SMC1B: variants seen among roughly 807,000 people sequenced by gnomAD.
SMC1B encodes the protein structural maintenance of chromosomes 1B, also known as structural maintenance of chromosomes protein 1B.
In SMC1B, 60 loss-of-function variants were observed where a neutral mutation model predicts 157.9. The ratio of observed to expected loss-of-function variants is 0.38; its 90% CI spans 0.31 to 0.47. The LOEUF (loss-of-function observed/expected upper bound fraction) is 0.47, where lower values mean the gene tolerates loss of function less well. Ranked by LOEUF, SMC1B falls within the 20% of genes least tolerant of loss-of-function variation. SMC1B has a pLI of 0.99. For missense variants in SMC1B, 1,165 were observed against 1,426.2 expected, an observed-to-expected ratio of 0.82 and a Z score of 2.95; for synonymous variants, 445 against 483.0, an observed-to-expected ratio of 0.92 and a Z score of 1.03.
At chr22:45,353,756 AG>A (rs1175977697) in intron 21 of SMC1B, among the ~76,000 whole-genome samples, 1 of 152,022 alleles carries the variant, frequency 6.6e-6, no homozygotes, top group African/African-American at 2.4e-5. Flanking sequence ...AGACCCAGAG[AG>A]GTTTTGACTT....
Position 45,406,751 on chromosome 22 carries a change from A to G in SMC1B, c.411+2T>C. The G allele has an allele frequency of 6.3e-7, 1 of 1,588,138 alleles. No individual in the cohort carries two copies. The highest frequency in any genetic ancestry group is 1.2e-5 in the South Asian group (1 of 85,754). On this transcript the variant is annotated splice_donor_variant, in intron 3 of 24. Transcript: ENST00000357450. LOFTEE classifies it high-confidence loss of function. Reference sequence around the variant, plus strand: ...ATCAAATAAACTACTATAGCTACTTACCTGAAAAACCAAACAATTTTGTGC... The same window carrying G: ...ATCAAATAAACTACTATAGCTACTTGCCTGAAAAACCAAACAATTTTGTGC...
At position 45,348,350 on chromosome 22, in the gene SMC1B, G is replaced by A. The variant is rs538006105; in HGVS notation, c.3495+1378C>T. Among the ~76,000 whole-genome samples the A allele has an allele frequency of 6.6e-5, 10 of 151,536 alleles. No homozygotes were observed. The East Asian group carries it at 1.9e-3, about 29-fold the overall frequency. On this transcript the variant is annotated intron_variant, in intron 23 of 24. Coordinates refer to ENST00000357450, the MANE Select transcript of SMC1B (RefSeq NM_148674.5). ...GTAGATCTCTTGAGCCCAAGAGTTTGAGACCAGCCTTGGTAACATGGTGAA... is the reference window on the plus strand; with the variant it reads ...GTAGATCTCTTGAGCCCAAGAGTTTAAGACCAGCCTTGGTAACATGGTGAA...
intron 12 of SMC1B, among the ~76,000 whole-genome samples, chr22:45,375,808 ACT>A (rs2086878556): frequency 6.6e-6 from 1 of 152,294 alleles, no homozygotes; most frequent in Non-Finnish European, 1.5e-5. Context: ...GTATTATTTT[ACT>A]ACAGTGTTCA....
rs1016324022 is a variant in SMC1B, at chr22:45,377,212, T to C, written c.2059-4920A>G. Among the ~76,000 whole-genome samples, 11 of 152,364 alleles carry C rather than the reference T, an allele frequency of 7.2e-5. No homozygotes were observed. The East Asian group carries it at 2.1e-3, about 29-fold the overall frequency. ...ATTTTAATGTTTTCATTCCTGATCA[T>C]GTATGTTTGCGTCTAGCTTTTTTTT... is the stretch of plus-strand genomic sequence containing the variant. On this transcript the variant is annotated intron_variant, in intron 12 of 24. Transcript: ENST00000357450.
chr22:45,379,084 C>T (rs2086910089), intron 12 of SMC1B, among the ~76,000 whole-genome samples: 1 of 152,146 alleles, frequency 6.6e-6, no homozygotes, highest in African/African-American at 2.4e-5. Flanking sequence ...CCAGTTCAAG[C>T]AATTCTCCTG....
intron 19 of SMC1B, among the ~76,000 whole-genome samples, chr22:45,356,952 C>T (rs2086676352): frequency 6.6e-6 from 1 of 151,942 alleles, no homozygotes; most frequent in Admixed American, 6.6e-5. Context: ...AGGCTGGTCT[C>T]GAACTCCTGA....
chr22:45,346,751 C>T (rs994899597), intron 23 of SMC1B, among the ~76,000 whole-genome samples: 7 of 152,154 alleles, frequency 4.6e-5, no homozygotes, highest in African/African-American at 9.7e-5. Context: ...AGATAGGATG[C>T]GAAGATGCAG....
intron 10 of SMC1B, among the ~76,000 whole-genome samples, 165 bp downstream of exon 10, chr22:45,389,547 T>C (rs1602082228): frequency 1.3e-5 from 2 of 152,226 alleles, no homozygotes; most frequent in Non-Finnish European, 1.5e-5. Context: ...CTTGATATTA[T>C]TCTTTGCTTG....
At chr22:45,391,930 C>T (rs1225802536) in intron 9 of SMC1B, among the ~76,000 whole-genome samples, 1 of 152,016 alleles carries the variant, frequency 6.6e-6, no homozygotes, top group East Asian at 1.9e-4. Flanking sequence ...AGCATATGAG[C>T]TTCACATTCC....
chr22:45,365,803 T>A (rs2086770240), intron 15 of SMC1B, among the ~76,000 whole-genome samples: 1 of 151,916 alleles, frequency 6.6e-6, no homozygotes, highest in Admixed American at 6.6e-5. Context: ...AAGAAAAAAA[T>A]AAACCCTATA....
chr22:45,369,839 C>T lies in SMC1B; in HGVS notation c.2420+115G>A, dbSNP rs569263436. On this transcript the variant is annotated intron_variant, in intron 15 of 24. Coordinates refer to ENST00000357450, the MANE Select transcript of SMC1B (RefSeq NM_148674.5). ...GATTACAAGCGTAAGCCACCGTGCC[C>T]GGCCTAGCTGTTTCTTGATGAAATG... 1.8e-4 allele frequency: 124 copies of T among 674,134 alleles called. 1 individual carries two copies. Among genetic ancestry groups the T allele is most frequent in the Non-Finnish European group, 2.7e-4 (109 of 403,760 alleles). The allele number at this position is 674,134 out of a possible 1,614,324, so 41.8% of individuals were successfully genotyped here.
chr22:45,389,128 G>A (rs1319162068), intron 10 of SMC1B, among the ~76,000 whole-genome samples: 1 of 152,012 alleles, frequency 6.6e-6, no homozygotes, highest in Non-Finnish European at 1.5e-5. Context: ...TAACTATTAC[G>A]CAGACTGCCT....
rs1326844673 is a variant in SMC1B at position 45,355,033 on chromosome 22, T to C, written c.3044A>G (p.Lys1015Arg). 3.1e-6 allele frequency: 5 copies of C among 1,614,104 alleles called. No homozygotes were observed. Residue 1015 changes from lysine (K) to arginine (R), a missense_variant, in exon 20 of 25, where the codon AAA becomes AGA. Lys to Arg is a conservative substitution (Grantham distance 26). Transcript: ENST00000357450. Reference sequence around the variant, plus strand: ...TGCTCGTAGGTTTGGGGCTGCTGTTTTCAGTAAGATATCTTCCTGGGATGC... The same window carrying C: ...TGCTCGTAGGTTTGGGGCTGCTGTTCTCAGTAAGATATCTTCCTGGGATGC... Reference protein sequence around the residue: ...QVASQEDILLKTAAPNLRALE... With the variant: ...QVASQEDILLRTAAPNLRALE...
chr22:45,362,014 T>C (rs1296532881), intron 16 of SMC1B, 30 bp from the exon 17 acceptor site: 1 of 1,593,148 alleles, frequency 6.3e-7, no homozygotes, highest in African/African-American at 1.4e-5. Flanking sequence ...ATTGTAGATT[T>C]ACTATCTTTT....
At chr22:45,354,592 T>C (rs1423133609) in intron 20 of SMC1B, among the ~76,000 whole-genome samples, 1 of 152,162 alleles carries the variant, frequency 6.6e-6, no homozygotes, top group African/African-American at 2.4e-5. Flanking sequence ...GGTTTTACCA[T>C]GTTGACCAGG....
intron 12 of SMC1B, among the ~76,000 whole-genome samples, chr22:45,374,046 C>T (rs2086859913): frequency 3.5e-5 from 5 of 144,448 alleles, no homozygotes; most frequent in Admixed American, 2.1e-4. Context: ...TAAAAGAAAC[C>T]GGAAAATAAG....
chr22:45,389,995 T>C (rs2087039276), intron 9 of SMC1B, 98 bp from the exon 10 acceptor site: 1 of 991,908 alleles, frequency 1.0e-6, no homozygotes, highest in East Asian at 2.6e-5. Flanking sequence ...AGACAAAAAC[T>C]AATTTTATAA....
At chr22:45,346,874 G>C (rs1050260390) in intron 23 of SMC1B, among the ~76,000 whole-genome samples, 1 of 152,146 alleles carries the variant, frequency 6.6e-6, no homozygotes, top group African/African-American at 2.4e-5. Context: ...ATTCAGCAAC[G>C]GAGTATCAGA....
intron 19 of SMC1B, among the ~76,000 whole-genome samples, chr22:45,355,487 T>A (rs552548677): frequency 1.3e-5 from 2 of 152,304 alleles, no homozygotes; most frequent in East Asian, 3.9e-4. Context: ...ATAAACTGGA[T>A]TAAAAATTTT....
Sources: gnomAD v4.1 joint callset for allele counts (sites outside exome capture counted in the v4.1 genomes callset) on GRCh38, gnomAD v4.1.1 for gene constraint, MANE v1.5 for transcripts, NCBI Gene and HGNC (gene_info 2026-07-23, HGNC 2026-07-21) for gene names.